The following UNC13C variants were observed in gnomAD, a reference collection of about 807,000 sequenced individuals.
UNC13C encodes the protein unc-13 homolog C.
UNC13C carries 174 observed loss-of-function variants against 245.4 expected under a neutral mutation model. The ratio of observed to expected loss-of-function variants is 0.71; its 90% CI spans 0.63 to 0.80. The LOEUF is 0.80. Among genes scored for constraint, UNC13C ranks in the 30% least tolerant of loss-of-function variants. The pLI is 0.00. For synonymous variants in UNC13C, 992 were observed against 895.1 expected, an observed-to-expected ratio of 1.11 and a Z score of -1.93; for missense variants, 2,829 against 2,602.9, an observed-to-expected ratio of 1.09 and a Z score of -1.89.
intron 2 of UNC13C, among the ~76,000 whole-genome samples, chr15:54,120,779 A>G (rs1483211037): frequency 6.6e-6 from 1 of 152,040 alleles, no homozygotes; most frequent in African/African-American, 2.4e-5. Flanking sequence ...TCCAACCCTC[A>G]TGGATGACTT....
intron 32 of UNC13C, 50 bp from the exon 33 acceptor site, chr15:54,626,778 C>A (rs1901188133): frequency 2.6e-6 from 4 of 1,515,410 alleles, no homozygotes; most frequent in Non-Finnish European, 3.6e-6. Context: ...ATAATGATGC[C>A]TAGTGGAAGT....
chr15:54,500,953 C>G lies in UNC13C; in HGVS notation c.5276C>G (p.Ser1759Cys), dbSNP rs982703651. ...GAATGCCCTAATCCTGAAGCATTAT[C>G]TCACTTAATGAGAAGATTTGCAAAG... ...KLECPNPEAL[S>C]HLMRRFAKTI... is the part of the protein sequence containing the mutation. Residue 1759 changes from serine (S) to cysteine (C), a missense_variant, in exon 22 of 33, where the codon TCT becomes TGT. Ser to Cys is a moderately radical substitution (Grantham distance 112). Transcript: ENST00000260323. 2.4e-5 allele frequency: 39 copies of G among 1,612,620 alleles called. No individual in the cohort carries two copies. The highest frequency in any genetic ancestry group is 3.2e-5 in the Non-Finnish European group (38 of 1,179,090).
At chr15:54,264,647 C>T (rs1161264821) in intron 9 of UNC13C, among the ~76,000 whole-genome samples, 1 of 151,328 alleles carries the variant, frequency 6.6e-6, no homozygotes, top group Non-Finnish European at 1.5e-5. Flanking sequence ...TATTCACCTG[C>T]AGTGTACAAG....
chr15:53,984,523 A>G (rs1382992213), intron 1 of UNC13C, among the ~76,000 whole-genome samples: 1 of 152,174 alleles, frequency 6.6e-6, no homozygotes, highest in African/African-American at 2.4e-5. Context: ...AAATTTCTGC[A>G]TCTGAATTCT....
At chr15:54,009,005 A>G (rs1595706997) in intron 1 of UNC13C, among the ~76,000 whole-genome samples, 1 of 152,146 alleles carries the variant, frequency 6.6e-6, no homozygotes, top group Non-Finnish European at 1.5e-5. Flanking sequence ...ATTAAATGTC[A>G]TCTTCCTTTC....
intron 19 of UNC13C, among the ~76,000 whole-genome samples, chr15:54,422,454 G>T (rs376069080): frequency 2.0e-5 from 3 of 151,890 alleles, no homozygotes; most frequent in Admixed American, 6.6e-5. Context: ...GTTTCCAAAG[G>T]CTTCCTCTTT....
chr15:53,959,744 T>A, the UNC13C span, among the ~76,000 whole-genome samples: 9 of 152,136 alleles, frequency 5.9e-5, no homozygotes, highest in Non-Finnish European at 1.2e-4. Context: ...AATATTAAAG[T>A]GGGAAACTCA....
chr15:54,437,574 G>A (rs1890291588), intron 19 of UNC13C, among the ~76,000 whole-genome samples: 1 of 151,706 alleles, frequency 6.6e-6, no homozygotes, highest in Non-Finnish European at 1.5e-5. Flanking sequence ...TGTAAGTCAC[G>A]CCACAAAGTT....
the UNC13C span, among the ~76,000 whole-genome samples, chr15:53,840,641 G>A: frequency 6.6e-6 from 1 of 152,116 alleles, no homozygotes; most frequent in Non-Finnish European, 1.5e-5. Flanking sequence ...GTACATACAG[G>A]TTCTAATAAC....
At chr15:54,053,417 CAAAT>C (rs2141058815) in intron 2 of UNC13C, among the ~76,000 whole-genome samples, 1 of 152,262 alleles carries the variant, frequency 6.6e-6, no homozygotes, top group Non-Finnish European at 1.5e-5. Context: ...CCACAGTTAA[CAAAT>C]AACCTGAGTG....
chr15:54,218,008 G>C (rs116842058), intron 4 of UNC13C, among the ~76,000 whole-genome samples: 1 of 151,940 alleles, frequency 6.6e-6, no homozygotes, highest in Admixed American at 6.6e-5. Context: ...CTACATGCCA[G>C]AACTAGTTCT....
chr15:53,987,548 T>C (rs1180371547), intron 1 of UNC13C, among the ~76,000 whole-genome samples: 1 of 151,980 alleles, frequency 6.6e-6, no homozygotes, highest in African/African-American at 2.4e-5. Context: ...TTGTTGTTGT[T>C]GTTGTTTAAT....
intron 30 of UNC13C, among the ~76,000 whole-genome samples, chr15:54,588,858 T>TAC (rs944530992): frequency 6.6e-5 from 10 of 152,332 alleles, no homozygotes; most frequent in East Asian, 1.9e-4. Flanking sequence ...TGTATATATA[T>TAC]ACGAGTTTCT....
At position 54,223,273 on chromosome 15, in the gene UNC13C, G is replaced by A. The variant is rs1408280997; in HGVS notation, c.3072-11757G>A. On this transcript the variant is annotated intron_variant, in intron 4 of 32. Transcript: ENST00000260323. The stretch of plus-strand genomic sequence containing the variant: ...CCATTTTTATTTGATTTTCGTATAC[G>A]GTGAGGGATAGGAGTCTAGTTTTAT... Among the ~76,000 whole-genome samples, 6 of 152,004 alleles carry A rather than the reference G, an allele frequency of 3.9e-5. No homozygotes were observed. In the East Asian group the frequency reaches 5.8e-4, roughly 15 times the overall value.
chr15:54,124,476 A>G (rs1285240885), intron 2 of UNC13C, among the ~76,000 whole-genome samples: 3 of 152,154 alleles, frequency 2.0e-5, no homozygotes, highest in Non-Finnish European at 2.9e-5. Context: ...GCCAGTTTCC[A>G]TATTAGATTT....
At chr15:54,209,260 T>A (rs1457250349) in intron 4 of UNC13C, among the ~76,000 whole-genome samples, 1 of 152,144 alleles carries the variant, frequency 6.6e-6, no homozygotes, top group African/African-American at 2.4e-5. Flanking sequence ...AAGTTCTGTA[T>A]TAACTTTATT....
At chr15:54,274,012 A>G (rs2036763069) in intron 10 of UNC13C, among the ~76,000 whole-genome samples, 1 of 152,090 alleles carries the variant, frequency 6.6e-6, no homozygotes, top group African/African-American at 2.4e-5. Flanking sequence ...AGTGTGAGGT[A>G]CTCTCCACAG....
At chr15:54,547,375 T>C (rs1417427432) in intron 27 of UNC13C, among the ~76,000 whole-genome samples, 3 of 152,170 alleles carry the variant, frequency 2.0e-5, no homozygotes, top group Non-Finnish European at 4.4e-5. Flanking sequence ...GAAAGATCAA[T>C]TGGCTGCAAA....
At chr15:53,879,643 C>A in the UNC13C span, among the ~76,000 whole-genome samples, 1 of 151,962 alleles carries the variant, frequency 6.6e-6, no homozygotes, top group Non-Finnish European at 1.5e-5. Flanking sequence ...GGCTGGAGTG[C>A]GGTGGCACTA....
Sources: gnomAD v4.1 joint callset for allele counts (sites outside exome capture counted in the v4.1 genomes callset) on GRCh38, gnomAD v4.1.1 for gene constraint, MANE v1.5 for transcripts, NCBI Gene and HGNC (gene_info 2026-07-23, HGNC 2026-07-21) for gene names.